The following CCDC88C variants were observed in gnomAD, a reference collection of about 807,000 sequenced individuals.
The protein encoded by CCDC88C is protein Daple.
Under a neutral mutation model 198.8 loss-of-function variants are expected in CCDC88C, and 131 were observed. The ratio of observed to expected loss-of-function variants is 0.66; its 90% CI spans 0.57 to 0.76. The LOEUF (loss-of-function observed/expected upper bound fraction) is 0.76, where lower values mean the gene tolerates loss of function less well. Ranked by LOEUF, CCDC88C falls within the 30% of genes least tolerant of loss-of-function variation. CCDC88C has a pLI of 0.00. For missense variants in CCDC88C, 2,553 were observed against 2,631.6 expected (o/e 0.97, Z 0.65); for synonymous variants, 1,166 against 1,114.7 (o/e 1.05, Z -0.92).
intron 23 of CCDC88C, 34 bp downstream of exon 23, chr14:91,294,139 G>C (rs1890891732): frequency 6.2e-7 from 1 of 1,610,932 alleles, no homozygotes; most frequent in East Asian, 2.2e-5. Context: ...CTGTGGTGAG[G>C]GTGCGGAGAG....
intron 10 of CCDC88C, among the ~76,000 whole-genome samples, chr14:91,333,575 C>T (rs928278720): frequency 3.5e-4 from 54 of 152,250 alleles, no homozygotes; most frequent in African/African-American, 1.1e-3. Context: ...CGGAAGGACA[C>T]GGCAAACTGT....
At chr14:91,356,479 G>C (rs1894044593) in intron 4 of CCDC88C, among the ~76,000 whole-genome samples, 1 of 152,140 alleles carries the variant, frequency 6.6e-6, no homozygotes, top group Non-Finnish European at 1.5e-5. Context: ...TTCAGAGCTG[G>C]GACCAGCTGA....
At chr14:91,367,561 C>T (rs896129342) in intron 3 of CCDC88C, among the ~76,000 whole-genome samples, 30 of 152,116 alleles carry the variant, frequency 2.0e-4, no homozygotes, top group East Asian at 3.8e-4. Flanking sequence ...ACTGTGTACA[C>T]CTTGCAGCGA....
At chr14:91,343,000 G>C (rs999307708) in intron 5 of CCDC88C, among the ~76,000 whole-genome samples, 12 of 152,170 alleles carry the variant, frequency 7.9e-5, no homozygotes, top group African/African-American at 2.9e-4. Context: ...TGTCACCCAG[G>C]CTGGAGTGCA....
chr14:91,371,629 A>C lies in CCDC88C; in HGVS notation c.271-11918T>G, dbSNP rs948708864. On this transcript the variant is annotated intron_variant, in intron 3 of 29. Transcript: ENST00000389857. This position sits in a 1 kb window ranked among gnomAD's most constrained non-coding sequence, Gnocchi z 4.2. The stretch of plus-strand genomic sequence containing the variant: ...GCTCTAGCTGATTTCCTGGGCAGGC[A>C]CCTATCTGTCCTGGGCACACCCTCC... Among the ~76,000 whole-genome samples, 4 of 152,054 alleles carry C rather than the reference A, an allele frequency of 2.6e-5. No homozygotes were observed. The highest frequency in any genetic ancestry group is 4.4e-5 in the Non-Finnish European group (3 of 67,984).
intron 10 of CCDC88C, among the ~76,000 whole-genome samples, chr14:91,337,114 C>T (rs1348166246): frequency 1.3e-5 from 2 of 152,202 alleles, no homozygotes; most frequent in Non-Finnish European, 2.9e-5. Context: ...AAGAGGGTCC[C>T]GGAAGCTGCT....
intron 25 of CCDC88C, among the ~76,000 whole-genome samples, chr14:91,286,810 G>A (rs1229966536): frequency 1.3e-5 from 2 of 152,170 alleles, no homozygotes; most frequent in African/African-American, 4.8e-5. Flanking sequence ...TCCGGAGTGC[G>A]GCCGACCTGC....
intron 3 of CCDC88C, among the ~76,000 whole-genome samples, chr14:91,375,944 T>C (rs1206148522): frequency 6.6e-6 from 1 of 152,194 alleles, no homozygotes; most frequent in African/African-American, 2.4e-5. Flanking sequence ...GGATGTGCCC[T>C]GGGGTCACAT....
At position 91,303,726 on chromosome 14, in the gene CCDC88C, G is replaced by C. The variant is rs766896412; in HGVS notation, c.3610C>G (p.Leu1204Val). The C allele has an allele frequency of 5.0e-6, 8 of 1,601,542 alleles. No individual in the cohort carries two copies. In the South Asian group the frequency reaches 8.9e-5, roughly 18 times the overall value. Residue 1204 changes from leucine (L) to valine (V), a missense_variant, in exon 20 of 30, where the codon CTG (leucine) becomes GTG (valine). Physicochemically the swap from Leu to Val is conservative, Grantham distance 32. Coordinates refer to ENST00000389857, the MANE Select transcript of CCDC88C (RefSeq NM_001080414.4). ...CTCTCCCCGAGCTCCTTGTGCTCCA[G>C]CTCCAGATTCCGATGCAGTGTCTTT... ...CLKTLHRNLELEHKELGERHG... is the reference protein window; with the variant it reads ...CLKTLHRNLEVEHKELGERHG...
Position 91,351,507 on chromosome 14 carries a change from T to G in CCDC88C, c.341-7850A>C, listed in dbSNP as rs912405503. On this transcript the variant is annotated intron_variant, in intron 4 of 29. Coordinates refer to ENST00000389857, the MANE Select transcript of CCDC88C (RefSeq NM_001080414.4). ...CTCAAGGTGGAGAGTTCCCCGTGGG[T>G]GGGCACATGGGGATGCTCCATCATA... Among the ~76,000 whole-genome samples, 3 of 152,092 alleles carry G rather than the reference T, an allele frequency of 2.0e-5. No individual in the cohort carries two copies. The South Asian group carries it at 6.2e-4, about 32-fold the overall frequency.
At chr14:91,321,466 C>T (rs890047066) in intron 12 of CCDC88C, among the ~76,000 whole-genome samples, 162 bp from the exon 13 acceptor site, 1 of 152,196 alleles carries the variant, frequency 6.6e-6, no homozygotes, top group African/African-American at 2.4e-5. Context: ...CCCCTCCACT[C>T]CCAGTGCCCG....
chr14:91,401,243 TTATATATTATATAATATATACATTATA>T (rs1886158931), intron 3 of CCDC88C, among the ~76,000 whole-genome samples: 1 of 142,704 alleles, frequency 7.0e-6, no homozygotes, highest in Admixed American at 7.1e-5. Flanking sequence ...TATTTATATA[TTATATATTATATAATATATACATTATA>T]TATATTATAT....
At chr14:91,377,027 C>G (rs1489075328) in intron 3 of CCDC88C, among the ~76,000 whole-genome samples, 1 of 145,230 alleles carries the variant, frequency 6.9e-6, no homozygotes, top group African/African-American at 2.5e-5. Flanking sequence ...CAAAGTGGCT[C>G]TCACCCTGTG....
chr14:91,355,680 G>A (rs920862795), intron 4 of CCDC88C, among the ~76,000 whole-genome samples: 11 of 152,302 alleles, frequency 7.2e-5, no homozygotes, highest in Non-Finnish European at 1.2e-4. Context: ...CATAGTTACT[G>A]CACTGTCCTT....
intron 6 of CCDC88C, among the ~76,000 whole-genome samples, chr14:91,340,273 C>T (rs1446458245): frequency 1.3e-5 from 2 of 152,214 alleles, no homozygotes; most frequent in African/African-American, 4.8e-5. Flanking sequence ...CCAGAAAGCA[C>T]GCCTCACAAT....
Position 91,323,359 on chromosome 14 carries a change from T to C in CCDC88C, c.1342+1420A>G, listed in dbSNP as rs577272930. On this transcript the variant is annotated intron_variant, in intron 12 of 29. Transcript: ENST00000389857. ...CTGCTTCACTGTTTTCTCTCACTCA[T>C]CCTCACAGTCATCTTGTGAGGCAGG... is the stretch of plus-strand genomic sequence containing the variant. 1.8e-4 allele frequency among the ~76,000 whole-genome samples: 28 copies of C among 152,300 alleles called. 1 individual carries two copies. In the South Asian group the frequency reaches 5.8e-3, roughly 32 times the overall value.
rs190203057 is a variant in CCDC88C, at chr14:91,393,259, C to T, written c.270+15400G>A. 2.4e-3 allele frequency among the ~76,000 whole-genome samples: 361 copies of T among 152,234 alleles called. 7 individuals carry two copies. The highest frequency in any genetic ancestry group is 0.021 in the Admixed American group (320 of 15,302). On this transcript the variant is annotated intron_variant, in intron 3 of 29. Coordinates refer to ENST00000389857, the MANE Select transcript of CCDC88C (RefSeq NM_001080414.4). ...CCCTGGAGGACAAGAGGAGCTGCCC[C>T]GGGAGAGGCTGAGCTGGGAGATGAC...
At chr14:91,400,329 C>T (rs1157273186) in intron 3 of CCDC88C, among the ~76,000 whole-genome samples, 1 of 152,228 alleles carries the variant, frequency 6.6e-6, no homozygotes, top group Non-Finnish European at 1.5e-5. Flanking sequence ...GGGAGGAGGA[C>T]GGGGGACCCC....
In CCDC88C at chr14:91,273,152, G is replaced by A. The variant is rs1889812574; in HGVS notation, c.5560C>T (p.His1854Tyr). ...GGGGTCCGCTCCCGGGCCAGGCTAT[G>A]GGAGCTGGGGGGTGCGGGGCTTTGC... The part of the protein sequence containing the change: ...TLQSPAPPSS[H>Y]SLARERTPLV... The change falls in exon 30 of 30, where the codon CAT (histidine) becomes TAT (tyrosine). Residue 1854 changes from histidine (H) to tyrosine (Y), a missense_variant. Physicochemically the swap from His to Tyr is moderately conservative, Grantham distance 83. Around this residue, in one of 2 missense-constraint regions of CCDC88C, gnomAD observed 1,293 missense variants for 1,219.6 expected, o/e 1.06. Coordinates refer to ENST00000389857, the MANE Select transcript of CCDC88C (RefSeq NM_001080414.4). The surrounding 1 kb of genome is among the most constrained non-coding windows in gnomAD (Gnocchi z 5.6). 6.3e-7 allele frequency: 1 copy of A among 1,580,846 alleles called. No individual in the cohort carries two copies. Among genetic ancestry groups the A allele is most frequent in the East Asian group, 2.3e-5 (1 of 43,164 alleles).
Sources: gnomAD v4.1 joint callset for allele counts (sites outside exome capture counted in the v4.1 genomes callset) on GRCh38, gnomAD v4.1.1 for gene constraint, gnomAD v4.1.1 regional missense constraint, Gnocchi (gnomAD v3.1) non-coding constraint, MANE v1.5 for transcripts, NCBI Gene and HGNC (gene_info 2026-07-23, HGNC 2026-07-21) for gene names.